Variants in CNGB3 observed in about 807,000 individuals in gnomAD.
CNGB3 encodes the protein cyclic nucleotide-gated channel beta-3.
Under a neutral mutation model 92.8 loss-of-function variants are expected in CNGB3, and 86 were observed. The observed-to-expected ratio is 0.93, with a 90% CI of 0.78 to 1.11. The LOEUF (loss-of-function observed/expected upper bound fraction) is 1.11, where lower values mean the gene tolerates loss of function less well. Among genes scored for constraint, CNGB3 ranks in the 50% least tolerant of loss-of-function variants. The probability of loss-of-function intolerance (pLI) is 0.00; values close to 1 mark genes in which losing one functional copy is unlikely to be tolerated. For synonymous variants in CNGB3, 333 were observed against 332.7 expected, an observed-to-expected ratio of 1.00 and a Z score of -0.01; for missense variants, 1,026 against 956.8, an observed-to-expected ratio of 1.07 and a Z score of -0.95.
At chr8:86,714,717 G>A (rs1449509456) in intron 3 of CNGB3, among the ~76,000 whole-genome samples, 7 of 152,120 alleles carry the variant, frequency 4.6e-5, no homozygotes, top group Admixed American at 4.6e-4. Flanking sequence ...TCTGTTTGCT[G>A]TCTCAATGAG....
chr8:86,699,977 C>T (rs1187964236), intron 3 of CNGB3, among the ~76,000 whole-genome samples: 2 of 151,882 alleles, frequency 1.3e-5, no homozygotes, highest in Non-Finnish European at 2.9e-5. Flanking sequence ...GCTTTCAATC[C>T]AAATCAAGCC....
intron 15 of CNGB3, among the ~76,000 whole-genome samples, chr8:86,599,487 G>A (rs531693074): frequency 3.4e-4 from 52 of 152,272 alleles, no homozygotes; most frequent in Admixed American, 4.6e-4. Flanking sequence ...CCAGTGGGCC[G>A]GGTGGAACAG....
chr8:86,637,049 T>C (rs1409990024), intron 10 of CNGB3, among the ~76,000 whole-genome samples: 2 of 152,210 alleles, frequency 1.3e-5, no homozygotes, highest in East Asian at 3.9e-4. Flanking sequence ...CTATTGCGAA[T>C]AATGCTGCAA....
At position 86,575,927 on chromosome 8, in the gene CNGB3, T is replaced by A. The variant is rs2131529311; in HGVS notation, c.2307A>T (p.Ser769=). ...SPIAVEEEPH[S]VRRTVLPRGT... ...CTCTGGGTAAAACTGTCCTTCTAAC[T>A]GAGTGGGGTTCTTCCTCCACTGCAA... The change falls in exon 18 of 18, where the codon TCA becomes TCT. Residue 769 remains serine (S), a synonymous_variant. Transcript: ENST00000320005. 13 of 1,614,012 alleles carry A rather than the reference T, an allele frequency of 8.1e-6. No individual in the cohort carries two copies. Among genetic ancestry groups the A allele is most frequent in the Non-Finnish European group, 1.1e-5 (13 of 1,179,964 alleles).
At chr8:86,672,760 C>A (rs1823884927) in intron 3 of CNGB3, among the ~76,000 whole-genome samples, 1 of 152,172 alleles carries the variant, frequency 6.6e-6, no homozygotes, top group East Asian at 1.9e-4. Flanking sequence ...TACAGGTTCC[C>A]AGACTACCCA....
chr8:86,672,718 T>G (rs972137307), intron 3 of CNGB3, among the ~76,000 whole-genome samples: 2 of 152,200 alleles, frequency 1.3e-5, no homozygotes, highest in Non-Finnish European at 2.9e-5. Context: ...CTTCCCTACA[T>G]GGCCCACAGA....
chr8:86,655,332 G>GA (rs1176638649), intron 6 of CNGB3, among the ~76,000 whole-genome samples: 2 of 152,082 alleles, frequency 1.3e-5, no homozygotes, highest in East Asian at 3.9e-4. Flanking sequence ...TGATTTTAAG[G>GA]AAAAAAGTGC....
At chr8:86,659,539 T>C in intron 6 of CNGB3, 1 of 590,290 alleles carries the variant, frequency 1.7e-6, no homozygotes, top group Non-Finnish European at 3.2e-6. Context: ...ATCTCTCTCC[T>C]TGGTTAACTC....
chr8:86,627,414 C>T (rs918310457), intron 12 of CNGB3, among the ~76,000 whole-genome samples: 3 of 152,046 alleles, frequency 2.0e-5, no homozygotes, highest in Non-Finnish European at 4.4e-5. Flanking sequence ...GGAAGAGATT[C>T]TAAACACGAG....
intron 15 of CNGB3, among the ~76,000 whole-genome samples, chr8:86,579,593 C>T (rs189837707): frequency 6.6e-6 from 1 of 152,186 alleles, no homozygotes; most frequent in African/African-American, 2.4e-5. Context: ...TTCACCTCTC[C>T]CCATGCTCCT....
At chr8:86,644,310 G>A (rs542440610) in intron 9 of CNGB3, among the ~76,000 whole-genome samples, 3 of 151,440 alleles carry the variant, frequency 2.0e-5, no homozygotes, top group African/African-American at 7.2e-5. Flanking sequence ...TTCAGATTAG[G>A]AATGAATTAT....
At chr8:86,656,900 T>C (rs533883440) in intron 6 of CNGB3, among the ~76,000 whole-genome samples, 49 of 152,274 alleles carry the variant, frequency 3.2e-4, no homozygotes, top group East Asian at 5.8e-4. Context: ...ATGTACCAGC[T>C]TCAACCTCCT....
At chr8:86,590,709 G>T (rs1040290098) in intron 15 of CNGB3, among the ~76,000 whole-genome samples, 3 of 141,420 alleles carry the variant, frequency 2.1e-5, no homozygotes, top group South Asian at 4.8e-4. Context: ...TGAGAGATCC[G>T]CTGTTAGTCT....
chr8:86,639,525 C>G (rs559427348), intron 10 of CNGB3, among the ~76,000 whole-genome samples: 9 of 152,074 alleles, frequency 5.9e-5, no homozygotes, highest in South Asian at 2.1e-4. Flanking sequence ...AGTCTGCTGC[C>G]TAATTCTAAC....
chr8:86,621,531 G>A (rs768748316), intron 13 of CNGB3, among the ~76,000 whole-genome samples: 59 of 151,902 alleles, frequency 3.9e-4, no homozygotes, highest in Non-Finnish European at 6.2e-4. Flanking sequence ...ACACAGATAC[G>A]TTCTTTAGTG....
At chr8:86,690,069 C>A (rs969204652) in intron 3 of CNGB3, among the ~76,000 whole-genome samples, 6 of 152,108 alleles carry the variant, frequency 3.9e-5, no homozygotes, top group Admixed American at 6.6e-5. Context: ...TTCCTTTGGG[C>A]ATATACCCAG....
chr8:86,610,931 T>G (rs1822505172), intron 14 of CNGB3, among the ~76,000 whole-genome samples: 1 of 152,218 alleles, frequency 6.6e-6, no homozygotes, highest in Admixed American at 6.5e-5. Context: ...GATTACTTAA[T>G]ACATAGTGTT....
intron 2 of CNGB3, among the ~76,000 whole-genome samples, chr8:86,732,006 A>G (rs985693112): frequency 1.3e-5 from 2 of 152,232 alleles, no homozygotes; most frequent in Admixed American, 1.3e-4. Context: ...AAAGAAGCCT[A>G]AAAGCACAGA....
rs1028152688 is a variant in CNGB3 at position 86,730,467 on chromosome 8, T to C, written c.212-3810A>G. Among the ~76,000 whole-genome samples, 4 of 152,202 alleles carry C rather than the reference T, an allele frequency of 2.6e-5. No individual in the cohort carries two copies. In the South Asian group the frequency reaches 8.3e-4, roughly 31 times the overall value. ...CTACTTTGGTCAAATTTCTAGGTCTTAGGACATCAAAGACATGTGGGTTCT... is the reference window on the plus strand; with the variant it reads ...CTACTTTGGTCAAATTTCTAGGTCTCAGGACATCAAAGACATGTGGGTTCT... On this transcript the variant is annotated intron_variant, in intron 2 of 17. Transcript: ENST00000320005.
Sources: gnomAD v4.1 joint callset for allele counts (sites outside exome capture counted in the v4.1 genomes callset) on GRCh38, gnomAD v4.1.1 for gene constraint, MANE v1.5 for transcripts, NCBI Gene and HGNC (gene_info 2026-07-23, HGNC 2026-07-21) for gene names.